The following SNX29 variants were observed in gnomAD, a reference collection of about 807,000 sequenced individuals.
The protein encoded by SNX29 is sorting nexin-29.
In SNX29, 78 loss-of-function variants were observed where a neutral mutation model predicts 102.1. The ratio of observed to expected loss-of-function variants is 0.76; its 90% CI spans 0.64 to 0.92. SNX29 has a LOEUF of 0.92. SNX29 is among the 40% of genes least tolerant of loss of function. The pLI is 0.00. For synonymous variants in SNX29, 580 were observed against 414.5 expected (o/e 1.40, Z -4.85); for missense variants, 1,280 against 1,061.7 (o/e 1.21, Z -2.86).
chr16:12,274,780 A>G (rs142971185), intron 14 of SNX29, among the ~76,000 whole-genome samples: 4 of 151,574 alleles, frequency 2.6e-5, no homozygotes, highest in South Asian at 2.1e-4. Flanking sequence ...CGTTGCCTCT[A>G]TTTTCTGGAA....
chr16:12,396,925 G>T (rs567359016), intron 16 of SNX29, among the ~76,000 whole-genome samples: 1 of 152,130 alleles, frequency 6.6e-6, no homozygotes, highest in South Asian at 2.1e-4. Flanking sequence ...TTATTTTTTT[G>T]AAACAGGGTC....
At chr16:12,492,562 T>C (rs1309157510) in intron 19 of SNX29, among the ~76,000 whole-genome samples, 2 of 152,158 alleles carry the variant, frequency 1.3e-5, no homozygotes, top group Admixed American at 1.3e-4. Context: ...ATTTTGGCTT[T>C]TGTTGCCATT....
Position 12,573,712 on chromosome 16 carries a change from A to G in SNX29, c.*5083A>G, listed in dbSNP as rs374608454. 1 of 223,528 alleles carries G rather than the reference A, an allele frequency of 4.5e-6. No individual in the cohort carries two copies. Among genetic ancestry groups the G allele is most frequent in the South Asian group, 1.8e-4 (1 of 5,432 alleles). The allele number at this position is 223,528 out of a possible 1,614,324, so 13.8% of individuals were successfully genotyped here. ...TGCAAAAATTGGGACTGAGGACAGT[A>G]GCACACGGAATGGTGGATCGTACAT... is the stretch of plus-strand genomic sequence containing the variant. On this transcript the variant is annotated 3_prime_UTR_variant, in exon 21 of 21. Transcript: ENST00000566228.
Position 12,058,650 on chromosome 16 carries a change from C to T in SNX29, c.1125-2878C>T, listed in dbSNP as rs149190523. Among the ~76,000 whole-genome samples the T allele has an allele frequency of 2.2e-3, 339 of 151,356 alleles. 14 individuals carry two copies. The East Asian group carries it at 0.055, about 25-fold the overall frequency. On this transcript the variant is annotated intron_variant, in intron 8 of 20. Transcript: ENST00000566228. ...CTGGGATTACAAGCACCCACCACCA[C>T]GCCCTGCTAAGTTTTGTATTTTTAG...
chr16:11,977,859 A>G (rs1208782164), intron 1 of SNX29: 1 of 151,908 alleles, frequency 6.6e-6, no homozygotes, highest in Non-Finnish European at 1.5e-5. Context: ...CTGTCCAGCC[A>G]CTCTGGGATC....
At chr16:12,373,393 G>T (rs886078187) in intron 16 of SNX29, among the ~76,000 whole-genome samples, 2 of 152,156 alleles carry the variant, frequency 1.3e-5, no homozygotes, top group Admixed American at 1.3e-4. Context: ...GCCTCCCATA[G>T]TGCTGGGATT....
Position 12,570,181 on chromosome 16 carries a change from A to T in SNX29, c.*1552A>T, listed in dbSNP as rs912098706. The T allele has an allele frequency of 1.0e-5, 11 of 1,064,270 alleles. No individual in the cohort carries two copies. The East Asian group carries it at 2.0e-4, about 19-fold the overall frequency. 65.9% of individuals were successfully genotyped at this position (1,064,270 alleles called of 1,614,324 possible). A position where few individuals can be genotyped will look rare whatever the true frequency, so the allele number is the denominator to read the frequency against. ...GCGCCCCCCCACCCCAGAGAAACCG[A>T]GTCAGCCTACATGACTTCCAAGGGG... is the stretch of plus-strand genomic sequence containing the variant. On this transcript the variant is annotated 3_prime_UTR_variant, in exon 21 of 21. Coordinates refer to ENST00000566228, the MANE Select transcript of SNX29 (RefSeq NM_032167.5).
chr16:12,559,689 C>G (rs187990849), intron 20 of SNX29, among the ~76,000 whole-genome samples: 2 of 152,074 alleles, frequency 1.3e-5, no homozygotes, highest in African/African-American at 4.8e-5. Flanking sequence ...GCAGTAACTT[C>G]TCGAGCTTCC....
chr16:12,557,336 G>C, intron 20 of SNX29: 1 of 152,120 alleles, frequency 6.6e-6, no homozygotes, highest in East Asian at 1.9e-4. Flanking sequence ...GAGATGGGAA[G>C]AACCTCAGAA....
At chr16:12,346,423 A>G (rs539279361) in intron 15 of SNX29, among the ~76,000 whole-genome samples, 12 of 152,256 alleles carry the variant, frequency 7.9e-5, no homozygotes, top group Admixed American at 2.0e-4. Context: ...ATCGTTGTTA[A>G]TGTGATTTTA....
chr16:11,992,377 A>G (rs1050844896), intron 1 of SNX29, among the ~76,000 whole-genome samples: 1 of 149,282 alleles, frequency 6.7e-6, no homozygotes, highest in African/African-American at 2.4e-5. Context: ...AGGGGCATTT[A>G]GTACAGTTGC....
chr16:11,976,772 G>A lies in SNX29; in HGVS notation c.-35G>A, dbSNP rs1226486031. 6.1e-6 allele frequency: 8 copies of A among 1,316,452 alleles called. No individual in the cohort carries two copies. The highest frequency in any genetic ancestry group is 3.4e-5 in the Admixed American group (1 of 29,446). The allele number at this position is 1,316,452 out of a possible 1,614,324, so 81.5% of individuals were successfully genotyped here. On this transcript the variant is annotated 5_prime_UTR_variant, in exon 1 of 21. Transcript: ENST00000566228. ...CAGCCGCAGAAGCGGCAGCGGCGGC[G>A]GCGCGGCGCAGGCACCGGCCCGGGG... is the stretch of plus-strand genomic sequence containing the variant.
At chr16:12,360,573 A>G (rs1445992796) in intron 16 of SNX29, among the ~76,000 whole-genome samples, 2 of 152,094 alleles carry the variant, frequency 1.3e-5, no homozygotes, top group African/African-American at 2.4e-5. Context: ...CTAGGAAAGC[A>G]CTATTGGAGG....
chr16:12,361,648 T>G (rs907408735), intron 16 of SNX29, among the ~76,000 whole-genome samples: 2 of 152,214 alleles, frequency 1.3e-5, no homozygotes, highest in African/African-American at 4.8e-5. Context: ...CTTCTGGATC[T>G]GACTTAAAAA....
At chr16:12,336,659 TG>T (rs774209163) in intron 15 of SNX29, among the ~76,000 whole-genome samples, 28 of 152,206 alleles carry the variant, frequency 1.8e-4, no homozygotes, top group Non-Finnish European at 3.7e-4. Context: ...GAGAGAACTC[TG>T]TTGGCTGAGT....
At chr16:12,563,250 C>A (rs1020378391) in intron 20 of SNX29, among the ~76,000 whole-genome samples, 1 of 152,070 alleles carries the variant, frequency 6.6e-6, no homozygotes, top group South Asian at 2.1e-4. Flanking sequence ...CATCACTGAC[C>A]CCGCCCAGGT....
intron 13 of SNX29, among the ~76,000 whole-genome samples, chr16:12,173,211 A>G (rs1420961033): frequency 6.6e-6 from 1 of 152,186 alleles, no homozygotes; most frequent in Admixed American, 6.5e-5. Flanking sequence ...TTCAGTAGCT[A>G]TTAGATAAAA....
intron 20 of SNX29, among the ~76,000 whole-genome samples, chr16:12,567,381 C>T (rs1010095447): frequency 2.0e-5 from 3 of 152,148 alleles, no homozygotes; most frequent in Non-Finnish European, 2.9e-5. Context: ...CATTTTATCC[C>T]AGTGAGGTAT....
intron 18 of SNX29, among the ~76,000 whole-genome samples, chr16:12,458,400 A>C (rs1181022002): frequency 6.6e-6 from 1 of 152,186 alleles, no homozygotes; most frequent in Non-Finnish European, 1.5e-5. Flanking sequence ...GAGGAGGAAG[A>C]AGCATCAAAC....
Sources: allele counts gnomAD v4.1 joint callset (sites outside exome capture counted in the v4.1 genomes callset), GRCh38; gene constraint gnomAD v4.1.1; transcripts MANE v1.5; gene names NCBI Gene and HGNC (gene_info 2026-07-23, HGNC 2026-07-21).